Variants in SLC25A26 observed in about 807,000 individuals in gnomAD.
SLC25A26 encodes solute carrier family 25 member 26, also known as mitochondrial S-adenosylmethionine carrier protein.
In SLC25A26, 36 loss-of-function variants were observed where a neutral mutation model predicts 37.8. The ratio of observed to expected loss-of-function variants is 0.95; its 90% CI spans 0.73 to 1.26. The LOEUF is 1.26. SLC25A26 is among the 50% of genes most tolerant of loss of function. SLC25A26 has a pLI of 0.00. For missense variants in SLC25A26, 390 were observed against 331.1 expected (o/e 1.18, Z -1.38); for synonymous variants, 129 against 122.5 (o/e 1.05, Z -0.35).
intron 7 of SLC25A26, among the ~76,000 whole-genome samples, chr3:66,367,061 A>G (rs1398236828): frequency 6.6e-6 from 1 of 152,230 alleles, no homozygotes; most frequent in Non-Finnish European, 1.5e-5. Context: ...TATAAAAACT[A>G]TAGACCAGGG....
At chr3:66,292,397 G>C (rs969543190) in intron 5 of SLC25A26, among the ~76,000 whole-genome samples, 1 of 152,162 alleles carries the variant, frequency 6.6e-6, no homozygotes, top group South Asian at 2.1e-4. Flanking sequence ...TAGTGTTGAC[G>C]GTCTTTACAA....
At chr3:66,174,313 C>G (rs2070542651) in intron 1 of SLC25A26, among the ~76,000 whole-genome samples, 1 of 152,148 alleles carries the variant, frequency 6.6e-6, no homozygotes, top group Non-Finnish European at 1.5e-5. Context: ...CACCCATATC[C>G]CCCCACTTTT....
chr3:66,186,371 A>C (rs1040597751), intron 1 of SLC25A26, among the ~76,000 whole-genome samples: 1 of 151,226 alleles, frequency 6.6e-6, no homozygotes, highest in East Asian at 2.0e-4. Context: ...CCCTTTCTCC[A>C]TTGACCTTAA....
chr3:66,359,339 T>G (rs1176880522), intron 6 of SLC25A26, among the ~76,000 whole-genome samples: 1 of 152,232 alleles, frequency 6.6e-6, no homozygotes, highest in Non-Finnish European at 1.5e-5. Context: ...TGTTACTTTT[T>G]CTTTTCTTGA....
chr3:66,161,498 A>G (rs557405286), intron 1 of SLC25A26, among the ~76,000 whole-genome samples: 61 of 152,214 alleles, frequency 4.0e-4, no homozygotes, highest in Admixed American at 1.0e-3. Context: ...TGTTTCTCTG[A>G]CTGCTAATGA....
intron 5 of SLC25A26, among the ~76,000 whole-genome samples, chr3:66,277,059 A>G (rs1219675871): frequency 6.6e-6 from 1 of 151,908 alleles, no homozygotes; most frequent in Non-Finnish European, 1.5e-5. Flanking sequence ...ATCTTTTGAT[A>G]CATATGTACA....
intron 3 of SLC25A26, among the ~76,000 whole-genome samples, chr3:66,257,265 T>C (rs2073340374): frequency 6.6e-6 from 1 of 152,136 alleles, no homozygotes; most frequent in South Asian, 2.1e-4. Flanking sequence ...AGATTTCTGG[T>C]CCAAGTCAAG....
intron 1 of SLC25A26, among the ~76,000 whole-genome samples, chr3:66,214,327 G>A (rs1326696930): frequency 6.6e-6 from 1 of 152,104 alleles, no homozygotes; most frequent in African/African-American, 2.4e-5. Context: ...AGATGCTGGT[G>A]CCATACTTGT....
chr3:66,173,173 A>T (rs1161144726), intron 1 of SLC25A26, among the ~76,000 whole-genome samples: 1 of 152,122 alleles, frequency 6.6e-6, no homozygotes, highest in East Asian at 1.9e-4. Flanking sequence ...TGTAAGAAAA[A>T]GTCTTAGAAT....
intron 5 of SLC25A26, among the ~76,000 whole-genome samples, chr3:66,280,447 A>G (rs1459461219): frequency 1.3e-5 from 2 of 152,132 alleles, no homozygotes; most frequent in African/African-American, 2.4e-5. Context: ...AAACCATTTT[A>G]TATGCTAACA....
intron 1 of SLC25A26, among the ~76,000 whole-genome samples, chr3:66,177,270 G>A (rs1327220929): frequency 6.6e-6 from 1 of 152,156 alleles, no homozygotes; most frequent in African/African-American, 2.4e-5. Flanking sequence ...TGACATAGTT[G>A]GACTGAACAC....
chr3:66,324,229 T>TGTGTGTGTGTGTGTGTG (rs58406484), intron 5 of SLC25A26: 1 of 128,054 alleles, frequency 7.8e-6, no homozygotes, highest in Non-Finnish European at 1.6e-5. Flanking sequence ...TGTGTGTGTG[T>TGTGTGTGTGTGTGTGTG]AGTTTGACAG....
chr3:66,214,670 T>G (rs1474669665), intron 1 of SLC25A26, among the ~76,000 whole-genome samples: 2 of 152,242 alleles, frequency 1.3e-5, no homozygotes, highest in Non-Finnish European at 2.9e-5. Flanking sequence ...GTTTTTCTGT[T>G]GAGTTATGGG....
At chr3:66,320,990 TAGG>T (rs1410866212) in intron 5 of SLC25A26, among the ~76,000 whole-genome samples, 7 of 152,148 alleles carry the variant, frequency 4.6e-5, no homozygotes, top group South Asian at 4.1e-4. Context: ...ATGATGGTAT[TAGG>T]AGGTGTATGG....
chr3:66,348,257 G>T (rs2076372532), intron 6 of SLC25A26, among the ~76,000 whole-genome samples: 1 of 152,206 alleles, frequency 6.6e-6, no homozygotes, highest in East Asian at 1.9e-4. Context: ...TATAAATTGT[G>T]TGGGTCTTTG....
At chr3:66,142,464 C>G (rs924395684) in intron 1 of SLC25A26, among the ~76,000 whole-genome samples, 2 of 152,224 alleles carry the variant, frequency 1.3e-5, no homozygotes, top group African/African-American at 4.8e-5. Context: ...TTTTTATCTT[C>G]TCCTGAAGTA....
chr3:66,222,188 T>G (rs1423125425), intron 1 of SLC25A26, among the ~76,000 whole-genome samples: 1 of 151,672 alleles, frequency 6.6e-6, no homozygotes, highest in Non-Finnish European at 1.5e-5. Context: ...ACTGATTTTT[T>G]TTTTTTTTTT....
intron 5 of SLC25A26, among the ~76,000 whole-genome samples, chr3:66,293,478 C>T (rs2074784832): frequency 6.7e-6 from 1 of 150,056 alleles, no homozygotes. Flanking sequence ...TATTTTGCCA[C>T]CCAGGTACTA....
intron 5 of SLC25A26, among the ~76,000 whole-genome samples, chr3:66,268,299 G>A (rs1054566912): frequency 8.5e-5 from 13 of 152,114 alleles, no homozygotes; most frequent in Admixed American, 5.9e-4. Context: ...GAAAAGTATC[G>A]GCATTTGTAA....
Sources: allele counts gnomAD v4.1 joint callset (sites outside exome capture counted in the v4.1 genomes callset), GRCh38; gene constraint gnomAD v4.1.1; transcripts MANE v1.5; gene names NCBI Gene and HGNC (gene_info 2026-07-23, HGNC 2026-07-21).